Variants in MTOR observed in about 807,000 individuals in gnomAD.
The protein encoded by MTOR is serine/threonine-protein kinase mTOR.
A neutral mutation model predicts 319.8 loss-of-function variants in MTOR; 70 were observed. The ratio of observed to expected loss-of-function variants is 0.22; its 90% CI spans 0.18 to 0.27. The LOEUF (loss-of-function observed/expected upper bound fraction) is 0.27. Among genes scored for constraint, MTOR ranks in the 10% least tolerant of loss-of-function variants. The pLI, the probability that MTOR is intolerant of heterozygous loss-of-function variation, is 1.00. For missense variants in MTOR, 1,890 were observed against 3,274.4 expected (o/e 0.58, Z 10.32); for synonymous variants, 1,183 against 1,211.4 (o/e 0.98, Z 0.49).
At chr1:11,189,564 C>A in intron 28 of MTOR, 1 of 1,578,292 alleles carries the variant, frequency 6.3e-7, no homozygotes, top group Non-Finnish European at 8.6e-7. Context: ...GCCTTCCTCA[C>A]CCAAACCCAC....
At chr1:11,171,569 A>C (rs1644815449) in intron 28 of MTOR, among the ~76,000 whole-genome samples, 1 of 152,128 alleles carries the variant, frequency 6.6e-6, no homozygotes, top group Non-Finnish European at 1.5e-5. Context: ...CAGTGCATAA[A>C]AAATGAGTTT....
rs143289746 is a variant in MTOR, at chr1:11,161,977, A to G, written c.4330-4686T>C. Among the ~76,000 whole-genome samples the G allele has an allele frequency of 5.1e-3, 773 of 152,326 alleles. 5 individuals are homozygous for G. The highest frequency in any genetic ancestry group is 0.017 in the Middle Eastern group (5 of 294). ...GAAAGAAGAAGGCTTCAGATGATCA[A>G]ACTTTTCCAAGCTAAAGGAGGATGT... On this transcript the variant is annotated intron_variant, in intron 29 of 57. Transcript: ENST00000361445.
chr1:11,228,597 T>C (rs2100853245), intron 19 of MTOR, 71 bp downstream of exon 19: 1 of 1,563,650 alleles, frequency 6.4e-7, no homozygotes, highest in East Asian at 2.2e-5. Context: ...ATTAAGAAGC[T>C]GAAGCACAGA....
At position 11,244,238 on chromosome 1, in the gene MTOR, G is replaced by A. The variant is rs201884133; in HGVS notation, c.1226-938C>T. Among the ~76,000 whole-genome samples the A allele has an allele frequency of 1.7e-4, 23 of 134,638 alleles. No individual in the cohort carries two copies. The East Asian group carries it at 5.3e-3, about 31-fold the overall frequency. 88.3% of individuals were successfully genotyped at this position (134,638 alleles called of 152,430 possible). A position where few individuals can be genotyped will look rare whatever the true frequency, so the allele number is the denominator to read the frequency against. On this transcript the variant is annotated intron_variant, in intron 8 of 57. Transcript: ENST00000361445. ...ACCCGGGAGGCGGAGGTTGCGGTGA[G>A]CCGAGATCACGCCATTCCACTCCAG...
At chr1:11,219,936 G>A (rs1646602894) in intron 19 of MTOR, among the ~76,000 whole-genome samples, 1 of 151,526 alleles carries the variant, frequency 6.6e-6, no homozygotes, top group South Asian at 2.1e-4. Flanking sequence ...AGGAGGCTGA[G>A]GCATGAGGAT....
At chr1:11,119,819 TAAAGA>T (rs1268564255) in intron 49 of MTOR, among the ~76,000 whole-genome samples, 3 of 151,058 alleles carry the variant, frequency 2.0e-5, no homozygotes, top group African/African-American at 4.9e-5. Context: ...GAAGAAACTT[TAAAGA>T]AAAGGATTAA....
rs527753921 is a variant in MTOR, at chr1:11,196,181, G to A, written c.4253+3077C>T. 6.6e-5 allele frequency among the ~76,000 whole-genome samples: 10 copies of A among 152,278 alleles called. 1 individual carries two copies. In the South Asian group the frequency reaches 1.0e-3, roughly 16 times the overall value. On this transcript the variant is annotated intron_variant, in intron 28 of 57. Coordinates refer to ENST00000361445, the MANE Select transcript of MTOR (RefSeq NM_004958.4). Reference sequence around the variant, plus strand: ...CAATTCTTCATAAAGGGGATTACACGTCTGGGGCTGGGCAGTGAAGGCATC... The same window carrying A: ...CAATTCTTCATAAAGGGGATTACACATCTGGGGCTGGGCAGTGAAGGCATC...
chr1:11,211,103 G>A (rs1405402544), intron 23 of MTOR, among the ~76,000 whole-genome samples, 197 bp from the exon 24 acceptor site: 1 of 152,140 alleles, frequency 6.6e-6, no homozygotes, highest in Non-Finnish European at 1.5e-5. Context: ...TTATGATGGT[G>A]GCCTCTTAAC....
rs780838551 is a variant in MTOR at position 11,217,567 on chromosome 1, AT to A, written c.3031-1334del. On this transcript the variant is annotated intron_variant, in intron 19 of 57. Transcript: ENST00000361445. ...AGGCGCCCGCCACCATGCCCGGCTAATTTTTTTTTTTTTTTGTATTTTTTTA... is the reference window on the plus strand; with the variant it reads ...AGGCGCCCGCCACCATGCCCGGCTAATTTTTTTTTTTTTTGTATTTTTTTA... 6.0e-3 allele frequency among the ~76,000 whole-genome samples: 839 copies of A among 139,402 alleles called. 2 individuals are homozygous for A. The highest frequency in any genetic ancestry group is 0.018 in the Middle Eastern group (5 of 274). 91.5% of individuals were successfully genotyped at this position (139,402 alleles called of 152,430 possible).
intron 20 of MTOR, 140 bp downstream of exon 20, chr1:11,216,008 T>C (rs1282861414): frequency 1.6e-5 from 8 of 499,576 alleles, no homozygotes; most frequent in Non-Finnish European, 2.8e-5. Flanking sequence ...CAAAATCCAG[T>C]GGGCTTTGTT....
chr1:11,218,847 TC>T (rs934855951), intron 19 of MTOR, among the ~76,000 whole-genome samples: 13 of 152,094 alleles, frequency 8.5e-5, no homozygotes, highest in Non-Finnish European at 1.8e-4. Context: ...TAGATCTCCT[TC>T]CAAACTCCCC....
At chr1:11,216,816 G>A (rs973351267) in intron 19 of MTOR, among the ~76,000 whole-genome samples, 6 of 152,140 alleles carry the variant, frequency 3.9e-5, no homozygotes, top group African/African-American at 1.2e-4. Flanking sequence ...ATGGGAAAAT[G>A]GAGATAATAA....
chr1:11,115,448 A>G lies in MTOR; in HGVS notation c.7037T>C (p.Leu2346Pro), dbSNP rs777075463. 1 of 1,614,252 alleles carries G rather than the reference A, an allele frequency of 6.2e-7. No homozygotes were observed. The highest frequency in any genetic ancestry group is 1.7e-5 in the Admixed American group (1 of 60,028). The change falls in exon 51 of 58, where the codon CTG (leucine) becomes CCG (proline). Residue 2346 changes from leucine to proline, a missense_variant. Around this residue, in one of 15 missense-constraint regions of MTOR, gnomAD observed 1 missense variants for 40.6 expected, o/e 0.02. Transcript: ENST00000361445. This position sits in a 1 kb window ranked among gnomAD's most constrained non-coding sequence, Gnocchi z 4.5. Reference protein sequence around the residue: ...LGDRHPSNLMLDRLSGKILHI... With the variant: ...LGDRHPSNLMPDRLSGKILHI... ...CAGGATCTTCCCACTCAGACGGTCC[A>G]GCATCAGGTTGGATGGGTGTCTTTG... is the stretch of plus-strand genomic sequence containing the variant.
intron 28 of MTOR, among the ~76,000 whole-genome samples, chr1:11,168,445 C>A (rs1172621042): frequency 6.6e-6 from 1 of 152,136 alleles, no homozygotes; most frequent in Non-Finnish European, 1.5e-5. Flanking sequence ...ACAGGTGGCA[C>A]CAAGGTTGGG....
intron 13 of MTOR, among the ~76,000 whole-genome samples, chr1:11,235,960 G>A (rs535879198): frequency 2.0e-5 from 3 of 151,366 alleles, no homozygotes; most frequent in African/African-American, 4.8e-5. Flanking sequence ...CCAGCCTGGC[G>A]ACAGAGCGAG....
Position 11,189,672 on chromosome 1 carries a change from G to C in MTOR, c.4253+9586C>G, listed in dbSNP as rs755459406. On this transcript the variant is annotated intron_variant, in intron 28 of 57. Transcript: ENST00000361445. ...CAGCGTGGCTGCAGAAGCTCTCTAA[G>C]CACAAGACACCAGCACAGCCACAGC... is the stretch of plus-strand genomic sequence containing the variant. 119 of 1,614,066 alleles carry C rather than the reference G, an allele frequency of 7.4e-5. No individual in the cohort carries two copies. Among genetic ancestry groups the C allele is most frequent in the Non-Finnish European group, 9.8e-5 (116 of 1,180,040 alleles).
chr1:11,215,310 T>C (rs1353008319), intron 20 of MTOR, among the ~76,000 whole-genome samples: 1 of 152,230 alleles, frequency 6.6e-6, no homozygotes, highest in African/African-American at 2.4e-5. Flanking sequence ...CAGAGGCTTC[T>C]GTGGTAAGAG....
At chr1:11,154,097 A>AAAAAG (rs1644240982) in intron 30 of MTOR, among the ~76,000 whole-genome samples, 1 of 144,762 alleles carries the variant, frequency 6.9e-6, no homozygotes, top group African/African-American at 2.6e-5. Flanking sequence ...AAAAAAAAAA[A>AAAAAG]AAAAAAGCCA....
At chr1:11,260,774 T>C (rs1651008659) in intron 1 of MTOR, among the ~76,000 whole-genome samples, 1 of 151,556 alleles carries the variant, frequency 6.6e-6, no homozygotes, top group Non-Finnish European at 1.5e-5. Flanking sequence ...TACAACAATG[T>C]CAATTTGGAC....
Sources: allele counts gnomAD v4.1 joint callset (sites outside exome capture counted in the v4.1 genomes callset), GRCh38; gene constraint gnomAD v4.1.1; regional missense constraint gnomAD v4.1.1; non-coding constraint Gnocchi (gnomAD v3.1); transcripts MANE v1.5; gene names NCBI Gene and HGNC (gene_info 2026-07-23, HGNC 2026-07-21).